Variants in RNF43 observed in about 807,000 individuals in gnomAD.
RNF43 encodes the protein E3 ubiquitin-protein ligase RNF43.
In RNF43, 37 loss-of-function variants were observed where a neutral mutation model predicts 78.4. That is an observed-to-expected ratio of 0.47 (90% CI 0.36 to 0.62). RNF43 has a LOEUF of 0.62. Ranked by LOEUF, RNF43 falls within the 20% of genes least tolerant of loss-of-function variation. The probability of loss-of-function intolerance (pLI) is 0.00; values close to 1 mark genes in which losing one functional copy is unlikely to be tolerated. For missense variants in RNF43, 774 were observed against 1,007.9 expected (o/e 0.77, Z 3.14); for synonymous variants, 347 against 395.0 (o/e 0.88, Z 1.44).
Position 58,365,644 on chromosome 17 carries a change from A to C in RNF43, c.376-2044T>G, listed in dbSNP as rs1298087729. On this transcript the variant is annotated intron_variant, in intron 3 of 9. Coordinates refer to ENST00000407977, the MANE Select transcript of RNF43 (RefSeq NM_017763.6). ...CTGTGTCCAGAATTCTAGGAATAAAAAGCAAGATTTGGGGACAGATAGCAG... is the reference window on the plus strand; with the variant it reads ...CTGTGTCCAGAATTCTAGGAATAAACAGCAAGATTTGGGGACAGATAGCAG... Among the ~76,000 whole-genome samples the C allele has an allele frequency of 2.0e-5, 3 of 152,192 alleles. No individual in the cohort carries two copies. In the East Asian group the frequency reaches 5.8e-4, roughly 29 times the overall value.
chr17:58,388,753 GA>G (rs1287613219), intron 2 of RNF43, among the ~76,000 whole-genome samples: 1 of 152,078 alleles, frequency 6.6e-6, no homozygotes, highest in Non-Finnish European at 1.5e-5. Context: ...ATTTGGACAG[GA>G]AAAAAATAGC....
At chr17:58,388,467 G>A (rs919442348) in intron 2 of RNF43, among the ~76,000 whole-genome samples, 4 of 152,168 alleles carry the variant, frequency 2.6e-5, no homozygotes, top group Non-Finnish European at 5.9e-5. Context: ...TACAATGCTG[G>A]ATGGGCATGC....
intron 2 of RNF43, 27 bp from the exon 3 acceptor site, chr17:58,371,060 G>A (rs2143516943): frequency 6.5e-7 from 1 of 1,543,796 alleles, no homozygotes; most frequent in Non-Finnish European, 8.8e-7. Flanking sequence ...ACTTGGGTTA[G>A]GGAGGCTTTA....
rs1598122674 is a variant in RNF43, at chr17:58,354,585, T to G, written c.*358A>C. On this transcript the variant is annotated 3_prime_UTR_variant, in exon 10 of 10. Coordinates refer to ENST00000407977, the MANE Select transcript of RNF43 (RefSeq NM_017763.6). ...TGGGGTGAGGGAAACCAAGTAGGGG[T>G]TGGAGAAGGAGCAGCACCTTTGTAA... The G allele has an allele frequency of 2.6e-6, 1 of 380,536 alleles. No individual in the cohort carries two copies. The allele number at this position is 380,536 out of a possible 1,614,324, so 23.6% of individuals were successfully genotyped here. A position where few individuals can be genotyped will look rare whatever the true frequency, so the allele number is the denominator to read the frequency against.
intron 8 of RNF43, among the ~76,000 whole-genome samples, chr17:58,359,440 CAA>C (rs1162284909): frequency 6.0e-5 from 8 of 133,472 alleles, no homozygotes; most frequent in Admixed American, 1.5e-4. Context: ...ACTAAAAGTC[CAA>C]AAAAAAAAAA....
At chr17:58,356,484 G>A (rs1358047426) in intron 9 of RNF43, among the ~76,000 whole-genome samples, 1 of 152,142 alleles carries the variant, frequency 6.6e-6, no homozygotes, top group Admixed American at 6.5e-5. Flanking sequence ...CCATGTTAAA[G>A]TTGAGAATTT....
intron 2 of RNF43, among the ~76,000 whole-genome samples, chr17:58,391,392 G>A (rs1973556218): frequency 1.3e-5 from 2 of 152,164 alleles, no homozygotes; most frequent in Admixed American, 1.3e-4. Context: ...CAGAACAAAA[G>A]GAAATTAACG....
intron 2 of RNF43, among the ~76,000 whole-genome samples, chr17:58,408,949 T>C (rs561991681): frequency 4.6e-5 from 7 of 152,242 alleles, no homozygotes; most frequent in South Asian, 2.1e-4. Flanking sequence ...TGTGGGGAGA[T>C]AGACAACTAC....
intron 2 of RNF43, among the ~76,000 whole-genome samples, chr17:58,393,851 G>A (rs190287684): frequency 6.6e-6 from 1 of 152,142 alleles, no homozygotes; most frequent in Admixed American, 6.5e-5. Context: ...TCAGGAGATC[G>A]AGACCATCCT....
At chr17:58,406,661 A>G (rs1389700962) in intron 2 of RNF43, among the ~76,000 whole-genome samples, 2 of 152,146 alleles carry the variant, frequency 1.3e-5, no homozygotes, top group African/African-American at 4.8e-5. Context: ...CACAAAGCCT[A>G]GATCATATAA....
At chr17:58,406,361 T>C (rs1312963921) in intron 2 of RNF43, among the ~76,000 whole-genome samples, 1 of 152,224 alleles carries the variant, frequency 6.6e-6, no homozygotes, top group African/African-American at 2.4e-5. Context: ...TTGGAATTCT[T>C]TGATAAGCAC....
At position 58,360,681 on chromosome 17, in the gene RNF43, T is replaced by G. The variant is rs115746038; in HGVS notation, c.849+102A>C. 6,733 of 1,268,266 alleles carry G rather than the reference T, an allele frequency of 5.3e-3. 254 individuals are homozygous for G. In the African/African-American group the frequency reaches 0.087, roughly 16 times the overall value. 78.6% of individuals were successfully genotyped at this position (1,268,266 alleles called of 1,614,324 possible). A position where few individuals can be genotyped will look rare whatever the true frequency, so the allele number is the denominator to read the frequency against. ...TCATGCAGGACACATGGGAAACAGA[T>G]GTAGCCAGGGTACCCATACCAGCCC... On this transcript the variant is annotated intron_variant, in intron 7 of 9. Coordinates refer to ENST00000407977, the MANE Select transcript of RNF43 (RefSeq NM_017763.6). This position sits in a 1 kb window ranked among gnomAD's most constrained non-coding sequence, Gnocchi z 4.3.
intron 2 of RNF43, among the ~76,000 whole-genome samples, chr17:58,388,447 G>A (rs1160947476): frequency 6.6e-6 from 1 of 152,128 alleles, no homozygotes; most frequent in African/African-American, 2.4e-5. Flanking sequence ...CACTTCATGT[G>A]ACCACTGAGT....
chr17:58,404,984 A>G (rs16943024), intron 2 of RNF43, among the ~76,000 whole-genome samples: 2,186 of 151,184 alleles, frequency 0.014, 66 homozygotes, highest in African/African-American at 0.051. Context: ...GCTAAAGATG[A>G]GTATTAAACA....
At chr17:58,397,193 C>G (rs1973700823) in intron 2 of RNF43, among the ~76,000 whole-genome samples, 1 of 152,080 alleles carries the variant, frequency 6.6e-6, no homozygotes, top group Non-Finnish European at 1.5e-5. Context: ...AAATGTGAAA[C>G]AATTCATCAA....
intron 3 of RNF43, among the ~76,000 whole-genome samples, chr17:58,364,885 C>A (rs1280514074): frequency 6.6e-6 from 1 of 152,236 alleles, no homozygotes; most frequent in Non-Finnish European, 1.5e-5. Context: ...CAGCTCCTTT[C>A]CTTGCTCCAG....
rs978656819 is a variant in RNF43, at chr17:58,358,609, G to T, written c.1167C>A (p.Arg389=). 6 of 1,570,238 alleles carry T rather than the reference G, an allele frequency of 3.8e-6. No homozygotes were observed. In the African/African-American group the frequency reaches 8.1e-5, roughly 21 times the overall value. Residue 389 remains arginine (R), a synonymous_variant, in exon 9 of 10, where the codon CGC becomes CGA. Coordinates refer to ENST00000407977, the MANE Select transcript of RNF43 (RefSeq NM_017763.6). This position sits in a 1 kb window ranked among gnomAD's most constrained non-coding sequence, Gnocchi z 6.2. ...QEPGMGPRHH[R]FPRAAHPRAP... ...CCCGGGGATGTGCAGCTCTGGGGAAGCGGTGATGCCGAGGGCCCATGCCTG... is the reference window on the plus strand; with the variant it reads ...CCCGGGGATGTGCAGCTCTGGGGAATCGGTGATGCCGAGGGCCCATGCCTG...
At chr17:58,367,372 T>C (rs1044023578) in intron 3 of RNF43, among the ~76,000 whole-genome samples, 1 of 152,104 alleles carries the variant, frequency 6.6e-6, no homozygotes, top group Admixed American at 6.5e-5. Context: ...CAAAACTCTA[T>C]AAGATAGTCA....
At chr17:58,376,962 C>T (rs564034793) in intron 2 of RNF43, among the ~76,000 whole-genome samples, 2 of 152,236 alleles carry the variant, frequency 1.3e-5, no homozygotes, top group Non-Finnish European at 1.5e-5. Context: ...ATATTTTATA[C>T]CCCCTGTGTA....
Sources: allele counts gnomAD v4.1 joint callset (sites outside exome capture counted in the v4.1 genomes callset), GRCh38; gene constraint gnomAD v4.1.1; non-coding constraint Gnocchi (gnomAD v3.1); transcripts MANE v1.5; gene names NCBI Gene and HGNC (gene_info 2026-07-23, HGNC 2026-07-21).